PDLIM5: variants seen among roughly 807,000 people sequenced by gnomAD.
PDLIM5 encodes the protein PDZ and LIM domain 5.
Under a neutral mutation model 64.2 loss-of-function variants are expected in PDLIM5, and 34 were observed. The ratio of observed to expected loss-of-function variants is 0.53; its 90% CI spans 0.40 to 0.71. The LOEUF (loss-of-function observed/expected upper bound fraction) is 0.71, where lower values mean the gene tolerates loss of function less well. PDLIM5 is among the 30% of genes least tolerant of loss of function. PDLIM5 has a pLI of 0.00. For missense variants in PDLIM5, 683 were observed against 733.6 expected, an observed-to-expected ratio of 0.93 and a Z score of 0.80; for synonymous variants, 253 against 269.1, an observed-to-expected ratio of 0.94 and a Z score of 0.59.
chr4:94,583,769 CAT>C (rs929195158), intron 5 of PDLIM5, among the ~76,000 whole-genome samples: 6 of 152,030 alleles, frequency 3.9e-5, no homozygotes, highest in African/African-American at 9.7e-5. Flanking sequence ...GCAGATTATT[CAT>C]AGTCGTAGAA....
At chr4:94,455,992 A>G (rs960027975) in intron 2 of PDLIM5, 55 of 1,444,030 alleles carry the variant, frequency 3.8e-5, no homozygotes, top group Non-Finnish European at 4.9e-5. Context: ...TATTTTAAGG[A>G]TATGTTTTCA....
intron 3 of PDLIM5, among the ~76,000 whole-genome samples, chr4:94,543,179 T>A (rs1268971141): frequency 6.6e-6 from 1 of 152,116 alleles, no homozygotes; most frequent in Non-Finnish European, 1.5e-5. Flanking sequence ...AAATTTATTC[T>A]CTCCCAGTTC....
chr4:94,583,875 A>G (rs1010475419), intron 5 of PDLIM5, among the ~76,000 whole-genome samples: 2 of 152,198 alleles, frequency 1.3e-5, no homozygotes, highest in Admixed American at 6.5e-5. Context: ...CTTTACATAC[A>G]TTATCTATCT....
intron 8 of PDLIM5, among the ~76,000 whole-genome samples, chr4:94,621,912 C>T (rs1739268457): frequency 6.6e-6 from 1 of 151,992 alleles, no homozygotes; most frequent in Non-Finnish European, 1.5e-5. Context: ...AGAATGTTTT[C>T]CTGTTGTGAA....
At chr4:94,558,259 A>G (rs1037663086) in intron 3 of PDLIM5, among the ~76,000 whole-genome samples, 1 of 152,072 alleles carries the variant, frequency 6.6e-6, no homozygotes, top group African/African-American at 2.4e-5. Context: ...GGGCAAGTTT[A>G]TTGTTGTTAA....
At chr4:94,652,177 G>T (rs545786550) in intron 9 of PDLIM5, among the ~76,000 whole-genome samples, 2 of 152,168 alleles carry the variant, frequency 1.3e-5, no homozygotes, top group Non-Finnish European at 2.9e-5. Flanking sequence ...TGCTTTAACA[G>T]AATGCAGTTT....
chr4:94,561,954 A>T (rs1680087399), intron 3 of PDLIM5, among the ~76,000 whole-genome samples: 1 of 152,172 alleles, frequency 6.6e-6, no homozygotes, highest in African/African-American at 2.4e-5. Context: ...TCAGAAGCAA[A>T]TTTGGTGGCA....
chr4:94,588,984 AAGAC>A (rs1736465539), intron 7 of PDLIM5, among the ~76,000 whole-genome samples: 1 of 152,222 alleles, frequency 6.6e-6, no homozygotes, highest in East Asian at 1.9e-4. Context: ...TTCAGATACT[AAGAC>A]AGAGGTCCTG....
intron 2 of PDLIM5, among the ~76,000 whole-genome samples, chr4:94,480,393 G>T (rs1291881055): frequency 6.6e-6 from 1 of 152,186 alleles, no homozygotes; most frequent in African/African-American, 2.4e-5. Context: ...GGTAAAATCG[G>T]TTTTGGTAGA....
chr4:94,641,543 A>T (rs145467574), intron 9 of PDLIM5, among the ~76,000 whole-genome samples: 1 of 152,222 alleles, frequency 6.6e-6, no homozygotes, highest in African/African-American at 2.4e-5. Flanking sequence ...TTTAAAAAAC[A>T]TAGAAACACA....
chr4:94,612,681 G>A (rs1738474602), intron 7 of PDLIM5, among the ~76,000 whole-genome samples: 1 of 152,112 alleles, frequency 6.6e-6, no homozygotes, highest in East Asian at 1.9e-4. Flanking sequence ...GATATTGAGA[G>A]AGGGAAATGG....
chr4:94,473,221 A>G (rs755670640), intron 2 of PDLIM5, among the ~76,000 whole-genome samples: 1 of 152,184 alleles, frequency 6.6e-6, no homozygotes, highest in African/African-American at 2.4e-5. Flanking sequence ...TGGCTGGAGT[A>G]GGCAGAATGA....
chr4:94,631,956 A>C (rs919311743), intron 8 of PDLIM5, among the ~76,000 whole-genome samples: 1 of 152,232 alleles, frequency 6.6e-6, no homozygotes, highest in African/African-American at 2.4e-5. Context: ...TCTAGCTTAG[A>C]TACTTCTCCT....
intron 3 of PDLIM5, among the ~76,000 whole-genome samples, chr4:94,527,706 C>T (rs1730498619): frequency 6.6e-6 from 1 of 152,208 alleles, no homozygotes; most frequent in Admixed American, 6.5e-5. Flanking sequence ...CAGCAGGAAA[C>T]TTGGGAACAA....
chr4:94,502,796 G>T (rs553957198), intron 2 of PDLIM5, among the ~76,000 whole-genome samples: 5 of 152,104 alleles, frequency 3.3e-5, no homozygotes, highest in Non-Finnish European at 2.9e-5. Context: ...AGAATTGCTT[G>T]AACCCAGGAG....
At chr4:94,483,613 T>G (rs1403989936) in intron 2 of PDLIM5, among the ~76,000 whole-genome samples, 1 of 152,170 alleles carries the variant, frequency 6.6e-6, no homozygotes, top group African/African-American at 2.4e-5. Flanking sequence ...AGAAACTTGG[T>G]CATTTGAATT....
At chr4:94,629,204 C>A (rs377650369) in intron 8 of PDLIM5, among the ~76,000 whole-genome samples, 1 of 152,020 alleles carries the variant, frequency 6.6e-6, no homozygotes, top group South Asian at 2.1e-4. Flanking sequence ...CAAAAATAAG[C>A]TGGGCGTGGT....
chr4:94,517,413 T>C (rs1445911581), intron 2 of PDLIM5, among the ~76,000 whole-genome samples: 16 of 152,236 alleles, frequency 1.1e-4, no homozygotes, highest in Admixed American at 7.9e-4. Flanking sequence ...CTGGAAAATA[T>C]ATTTTAAAAC....
At chr4:94,493,309 T>C (rs1727036485) in intron 2 of PDLIM5, among the ~76,000 whole-genome samples, 1 of 152,114 alleles carries the variant, frequency 6.6e-6, no homozygotes, top group African/African-American at 2.4e-5. Flanking sequence ...CTTTTCATTT[T>C]CTTGATGGAT....
Sources: allele counts gnomAD v4.1 joint callset (sites outside exome capture counted in the v4.1 genomes callset), GRCh38; gene constraint gnomAD v4.1.1; transcripts MANE v1.5; gene names NCBI Gene and HGNC (gene_info 2026-07-23, HGNC 2026-07-21).